The following BORCS5 variants were observed in gnomAD, a reference collection of about 807,000 sequenced individuals.
The protein encoded by BORCS5 is BLOC-1 related complex subunit 5, also known as BLOC-1-related complex subunit 5.
A neutral mutation model predicts 22.1 loss-of-function variants in BORCS5; 17 were observed. The observed-to-expected ratio is 0.77, with a 90% CI of 0.53 to 1.15. The LOEUF (loss-of-function observed/expected upper bound fraction) is 1.15, where lower values mean the gene tolerates loss of function less well. Among genes scored for constraint, BORCS5 ranks in the 50% most tolerant of loss-of-function variants. The pLI, the probability that BORCS5 is intolerant of heterozygous loss-of-function variation, is 0.00. For missense variants in BORCS5, 247 were observed against 253.2 expected, an observed-to-expected ratio of 0.98 and a Z score of 0.17; for synonymous variants, 117 against 99.8, an observed-to-expected ratio of 1.17 and a Z score of -1.03.
intron 2 of BORCS5, among the ~76,000 whole-genome samples, chr12:12,421,219 G>A (rs1164815970): frequency 1.3e-5 from 2 of 152,132 alleles, no homozygotes; most frequent in African/African-American, 2.4e-5. Flanking sequence ...TTTGAGATAC[G>A]TTCCATCAAT....
At chr12:12,382,348 G>T (rs955599910) in intron 2 of BORCS5, among the ~76,000 whole-genome samples, 2 of 150,956 alleles carry the variant, frequency 1.3e-5, no homozygotes, top group Non-Finnish European at 3.0e-5. Flanking sequence ...AATAGAGGGA[G>T]ACTTGCTCGG....
chr12:12,368,779 GCT>G (rs1330614223), intron 2 of BORCS5, among the ~76,000 whole-genome samples: 1 of 151,860 alleles, frequency 6.6e-6, no homozygotes, highest in Non-Finnish European at 1.5e-5. Context: ...CCATCATCTT[GCT>G]CTGTTTGTCT....
At chr12:12,458,833 A>T (rs551522365) in intron 3 of BORCS5, among the ~76,000 whole-genome samples, 3 of 148,502 alleles carry the variant, frequency 2.0e-5, no homozygotes, top group African/African-American at 7.4e-5. Context: ...TTAGCTGGGC[A>T]TGGTAGCACA....
chr12:12,440,605 G>GAAAAA (rs11388720), intron 3 of BORCS5, among the ~76,000 whole-genome samples: 2 of 139,946 alleles, frequency 1.4e-5, no homozygotes, highest in African/African-American at 5.3e-5. Context: ...CTAGGTCTTT[G>GAAAAA]AAAAAAAAAA....
intron 3 of BORCS5, among the ~76,000 whole-genome samples, chr12:12,446,735 C>T (rs150985544): frequency 1.3e-5 from 2 of 152,130 alleles, no homozygotes; most frequent in Non-Finnish European, 2.9e-5. Context: ...GGCGATCCTC[C>T]ATAGTTTTCA....
intron 2 of BORCS5, among the ~76,000 whole-genome samples, chr12:12,424,960 A>C (rs1355177296): frequency 2.0e-5 from 3 of 152,252 alleles, no homozygotes; most frequent in Non-Finnish European, 4.4e-5. Context: ...AAGTCACTTC[A>C]GCGTGAGTGG....
At chr12:12,380,288 T>TA (rs11395771) in intron 2 of BORCS5, among the ~76,000 whole-genome samples, 9,302 of 149,698 alleles carry the variant, frequency 0.062, 749 homozygotes, top group African/African-American at 0.15. Flanking sequence ...CTTCAATTTG[T>TA]AAAAAAAAAC....
At chr12:12,454,280 A>G (rs1565932280) in intron 3 of BORCS5, among the ~76,000 whole-genome samples, 1 of 152,212 alleles carries the variant, frequency 6.6e-6, no homozygotes. Flanking sequence ...TGACTGTCCC[A>G]TTTTACATGC....
chr12:12,463,424 G>A (rs1042616363), intron 3 of BORCS5, among the ~76,000 whole-genome samples: 8 of 152,166 alleles, frequency 5.3e-5, no homozygotes, highest in South Asian at 2.1e-4. Flanking sequence ...GCAGTGCCAC[G>A]TGCCAACAAA....
intron 2 of BORCS5, among the ~76,000 whole-genome samples, chr12:12,378,927 A>G (rs1175885408): frequency 6.7e-6 from 1 of 149,818 alleles, no homozygotes; most frequent in Non-Finnish European, 1.5e-5. Context: ...TAATATTTTT[A>G]ATTTTTTTTG....
intron 2 of BORCS5, among the ~76,000 whole-genome samples, chr12:12,432,524 T>C: frequency 6.6e-6 from 1 of 152,220 alleles, no homozygotes; most frequent in East Asian, 1.9e-4. Context: ...TTCTTGGGCA[T>C]TTATCCCAGA....
At chr12:12,377,921 G>A (rs935883711) in intron 2 of BORCS5, among the ~76,000 whole-genome samples, 23 of 152,246 alleles carry the variant, frequency 1.5e-4, no homozygotes, top group African/African-American at 5.5e-4. Context: ...ATACATTTAG[G>A]TTTAATATTT....
Position 12,470,046 on chromosome 12 carries a change from G to A in BORCS5, c.*4270G>A, listed in dbSNP as rs567381995. On this transcript the variant is annotated 3_prime_UTR_variant, in exon 4 of 4. Transcript: ENST00000314565. ...TGCTGCACAGCAGGAGGTGAGCGGC[G>A]GATGAGCAGGTGAAGCTTCACGTGT... Among the ~76,000 whole-genome samples, 9 of 152,168 alleles carry A rather than the reference G, an allele frequency of 5.9e-5. No homozygotes were observed. Among genetic ancestry groups the A allele is most frequent in the African/African-American group, 1.4e-4 (6 of 41,504 alleles).
At chr12:12,427,172 C>CTTTTTTTTTTTT (rs869191667) in intron 2 of BORCS5, among the ~76,000 whole-genome samples, 7 of 84,486 alleles carry the variant, frequency 8.3e-5, no homozygotes, top group Admixed American at 1.6e-4. Flanking sequence ...TCTTTCTTTT[C>CTTTTTTTTTTTT]TTTTTTTTTT....
At chr12:12,465,483 C>T (rs1943183434) in intron 3 of BORCS5, 63 bp from the exon 4 acceptor site, 1 of 1,432,424 alleles carries the variant, frequency 7.0e-7, no homozygotes, top group Admixed American at 1.9e-5. Flanking sequence ...AGGCTGGACA[C>T]CCGGCCCTGC....
chr12:12,396,869 C>G (rs769673873), intron 2 of BORCS5, among the ~76,000 whole-genome samples: 1 of 152,198 alleles, frequency 6.6e-6, no homozygotes, highest in Non-Finnish European at 1.5e-5. Flanking sequence ...GGAACACTAA[C>G]TTAAAAAATG....
chr12:12,380,697 T>C (rs1168932728), intron 2 of BORCS5, among the ~76,000 whole-genome samples: 2 of 151,462 alleles, frequency 1.3e-5, no homozygotes, highest in East Asian at 1.9e-4. Context: ...TGCCAAACTT[T>C]TTTCAAAATT....
At chr12:12,409,678 T>C (rs990609278) in intron 2 of BORCS5, among the ~76,000 whole-genome samples, 19 of 152,154 alleles carry the variant, frequency 1.2e-4, no homozygotes, top group African/African-American at 2.9e-4. Context: ...TGAATAGTGC[T>C]GCAATAAACA....
chr12:12,401,757 T>C (rs1941481931), intron 2 of BORCS5, among the ~76,000 whole-genome samples: 1 of 152,132 alleles, frequency 6.6e-6, no homozygotes, highest in Non-Finnish European at 1.5e-5. Flanking sequence ...CATTGGATAT[T>C]GTTTGAAAAC....
Sources: gnomAD v4.1 joint callset for allele counts (sites outside exome capture counted in the v4.1 genomes callset) on GRCh38, gnomAD v4.1.1 for gene constraint, MANE v1.5 for transcripts, NCBI Gene and HGNC (gene_info 2026-07-23, HGNC 2026-07-21) for gene names.